ARL15: variants seen among roughly 807,000 people sequenced by gnomAD.
ARL15 encodes ARF like GTPase 15.
Under a neutral mutation model 25.2 loss-of-function variants are expected in ARL15, and 19 were observed. The ratio of observed to expected loss-of-function variants is 0.75; its 90% CI spans 0.53 to 1.10. The LOEUF (loss-of-function observed/expected upper bound fraction) is 1.10. ARL15 is among the 50% of genes least tolerant of loss of function. The probability of loss-of-function intolerance (pLI) is 0.00; values close to 1 mark genes in which losing one functional copy is unlikely to be tolerated. For missense variants in ARL15, 220 were observed against 246.0 expected, an observed-to-expected ratio of 0.89 and a Z score of 0.71; for synonymous variants, 94 against 86.8, an observed-to-expected ratio of 1.08 and a Z score of -0.46.
At chr5:54,099,182 T>C (rs182280657) in intron 4 of ARL15, among the ~76,000 whole-genome samples, 1 of 152,256 alleles carries the variant, frequency 6.6e-6, no homozygotes, top group East Asian at 1.9e-4. Context: ...CATTCTATAT[T>C]TGCATTTGTA....
chr5:54,174,361 G>T (rs1754804423), intron 1 of ARL15, among the ~76,000 whole-genome samples: 1 of 152,176 alleles, frequency 6.6e-6, no homozygotes, highest in South Asian at 2.1e-4. Context: ...AGTTAGCCTA[G>T]TTCCCAAAAG....
chr5:53,950,694 G>T (rs1746918698), intron 4 of ARL15, among the ~76,000 whole-genome samples: 1 of 151,766 alleles, frequency 6.6e-6, no homozygotes, highest in African/African-American at 2.4e-5. Flanking sequence ...TCTCAGCAAA[G>T]TTCATGTAAA....
chr5:53,928,259 T>C (rs963389616), intron 4 of ARL15, among the ~76,000 whole-genome samples: 2 of 152,212 alleles, frequency 1.3e-5, no homozygotes, highest in Non-Finnish European at 2.9e-5. Context: ...AGATATTAAA[T>C]GAGGGCAGTA....
At chr5:53,919,618 G>A (rs1745777627) in intron 4 of ARL15, among the ~76,000 whole-genome samples, 1 of 151,906 alleles carries the variant, frequency 6.6e-6, no homozygotes. Flanking sequence ...AGAATAAACA[G>A]CTCGGATTAA....
At chr5:54,053,801 C>A (rs1007979414) in intron 4 of ARL15, among the ~76,000 whole-genome samples, 10 of 152,126 alleles carry the variant, frequency 6.6e-5, no homozygotes, top group African/African-American at 2.4e-4. Flanking sequence ...TAAGTGGGGC[C>A]TAAGGAGATG....
chr5:53,962,226 C>G (rs1052797106), intron 4 of ARL15, among the ~76,000 whole-genome samples: 10 of 152,108 alleles, frequency 6.6e-5, no homozygotes, highest in Non-Finnish European at 1.3e-4. Flanking sequence ...ATCCATAATA[C>G]TTTTAATCAA....
intron 1 of ARL15, among the ~76,000 whole-genome samples, chr5:54,180,018 GAAAAAAAA>G (rs11336058): frequency 9.1e-6 from 1 of 110,042 alleles, no homozygotes; most frequent in Non-Finnish European, 1.8e-5. Context: ...ACTGTCTCGA[GAAAAAAAA>G]AAAAAAAAAA....
chr5:53,927,009 T>C (rs2112037476), intron 4 of ARL15, among the ~76,000 whole-genome samples: 1 of 152,254 alleles, frequency 6.6e-6, no homozygotes, highest in East Asian at 1.9e-4. Flanking sequence ...CCGTTTTAAT[T>C]TTATTTTTAT....
chr5:54,205,912 T>C (rs1032082895), intron 1 of ARL15, among the ~76,000 whole-genome samples: 14 of 152,272 alleles, frequency 9.2e-5, no homozygotes, highest in African/African-American at 3.4e-4. Flanking sequence ...ATGAACACTG[T>C]TTAATACTTA....
intron 4 of ARL15, among the ~76,000 whole-genome samples, chr5:54,032,359 G>A (rs1005018434): frequency 4.0e-5 from 6 of 151,778 alleles, no homozygotes; most frequent in Admixed American, 3.3e-4. Flanking sequence ...TTAACCTCCC[G>A]AGTAGCTGGG....
rs552186261 is a variant in ARL15 at position 53,898,231 on chromosome 5, T to C, written c.463-11518A>G. ...GTTGTTCAAGAGTCAAATATATTGG[T>C]TGAGAGATTTTTGCATCTATATTCA... On this transcript the variant is annotated intron_variant, in intron 4 of 4. Transcript: ENST00000504924. 7.9e-5 allele frequency among the ~76,000 whole-genome samples: 12 copies of C among 152,264 alleles called. No individual in the cohort carries two copies. In the South Asian group the frequency reaches 2.3e-3, roughly 29 times the overall value.
At chr5:54,163,120 T>C (rs1477536635) in intron 2 of ARL15, among the ~76,000 whole-genome samples, 1 of 151,786 alleles carries the variant, frequency 6.6e-6, no homozygotes, top group East Asian at 1.9e-4. Context: ...TGATGCTGAG[T>C]TTTTTTTGTT....
At chr5:53,934,479 T>G (rs1304331767) in intron 4 of ARL15, among the ~76,000 whole-genome samples, 1 of 152,122 alleles carries the variant, frequency 6.6e-6, no homozygotes, top group Non-Finnish European at 1.5e-5. Context: ...TTAAATAAAC[T>G]TGACAGCTGC....
intron 4 of ARL15, among the ~76,000 whole-genome samples, chr5:54,049,326 T>TCCCA (rs2111980428): frequency 6.7e-6 from 1 of 148,586 alleles, no homozygotes; most frequent in East Asian, 2.1e-4. Flanking sequence ...TCAAAATCTG[T>TCCCA]GACTCAGGCA....
At chr5:53,961,780 T>G (rs1382003459) in intron 4 of ARL15, among the ~76,000 whole-genome samples, 1 of 152,226 alleles carries the variant, frequency 6.6e-6, no homozygotes. Context: ...ATCTTTTATG[T>G]TATAGGAGTC....
chr5:54,253,748 G>A (rs1467732087), intron 1 of ARL15, among the ~76,000 whole-genome samples: 1 of 152,018 alleles, frequency 6.6e-6, no homozygotes, highest in Admixed American at 6.6e-5. Context: ...ACACCACCAC[G>A]TCCAGCTAAT....
chr5:54,122,600 C>T (rs1454921657), intron 3 of ARL15, among the ~76,000 whole-genome samples: 3 of 152,074 alleles, frequency 2.0e-5, no homozygotes, highest in Admixed American at 6.5e-5. Flanking sequence ...TTTTTTTCAG[C>T]GGCTTGCATG....
chr5:54,256,911 A>G (rs1208676859), intron 1 of ARL15, among the ~76,000 whole-genome samples: 4 of 152,224 alleles, frequency 2.6e-5, no homozygotes, highest in Admixed American at 2.6e-4. Flanking sequence ...AACCCTCAAC[A>G]AACTATGCAT....
chr5:54,125,067 TTTGTTTTG>T (rs1260537448), intron 3 of ARL15, among the ~76,000 whole-genome samples: 8 of 150,082 alleles, frequency 5.3e-5, no homozygotes, highest in African/African-American at 2.0e-4. Flanking sequence ...AAGCAAGTTT[TTTGTTTTG>T]TTTTGTTTTG....
Sources: gnomAD v4.1 joint callset for allele counts (sites outside exome capture counted in the v4.1 genomes callset) on GRCh38, gnomAD v4.1.1 for gene constraint, MANE v1.5 for transcripts, NCBI Gene and HGNC (gene_info 2026-07-23, HGNC 2026-07-21) for gene names.